GLRA1: variants seen among roughly 807,000 people sequenced by gnomAD.
GLRA1 encodes glycine receptor alpha 1, also known as glycine receptor subunit alpha-1.
GLRA1 carries 37 observed loss-of-function variants against 48.3 expected under a neutral mutation model. The ratio of observed to expected loss-of-function variants is 0.77; its 90% CI spans 0.59 to 1.01. GLRA1 has a LOEUF of 1.01. GLRA1 is among the 50% of genes least tolerant of loss of function. The pLI, the probability that GLRA1 is intolerant of heterozygous loss-of-function variation, is 0.00. For synonymous variants in GLRA1, 196 were observed against 210.7 expected (o/e 0.93, Z 0.60); for missense variants, 427 against 571.0 (o/e 0.75, Z 2.57).
chr5:151,918,145 C>A lies in GLRA1; in HGVS notation c.56+6349G>T, dbSNP rs143820607. 7.2e-5 allele frequency among the ~76,000 whole-genome samples: 11 copies of A among 152,240 alleles called. No individual in the cohort carries two copies. In the East Asian group the frequency reaches 2.1e-3, roughly 29 times the overall value. ...TTCAAAAGCTTTGGGGCCTCAGTAC[C>A]CCTCATAAGAGCTTGCATTACAAAG... On this transcript the variant is annotated intron_variant, in intron 1 of 8. Transcript: ENST00000274576.
At chr5:151,886,952 A>G (rs1489436639) in intron 2 of GLRA1, among the ~76,000 whole-genome samples, 164 bp from the exon 3 acceptor site, 2 of 152,150 alleles carry the variant, frequency 1.3e-5, no homozygotes, top group East Asian at 3.8e-4. Flanking sequence ...CCCAGCCACC[A>G]TTTAACATCT....
rs1263246989 is a variant in GLRA1, at chr5:151,892,575, A to G, written c.57-137T>C. The G allele has an allele frequency of 5.6e-6, 5 of 900,110 alleles. No homozygotes were observed. The South Asian group carries it at 7.2e-5, about 13-fold the overall frequency. 55.8% of individuals were successfully genotyped at this position (900,110 alleles called of 1,614,324 possible). On this transcript the variant is annotated intron_variant, in intron 1 of 8. Transcript: ENST00000274576. ...GTAATATGGGTAATATGGGTCCTTA[A>G]TGAGGTAAGGCCCAGGTTAAATTGT...
chr5:151,849,765 G>GCA, intron 7 of GLRA1: 1 of 527,060 alleles, frequency 1.9e-6, no homozygotes, highest in Non-Finnish European at 2.9e-6. Context: ...TGTTGGCCAG[G>GCA]CTGGTCTCCA....
intron 1 of GLRA1, among the ~76,000 whole-genome samples, chr5:151,900,396 A>G (rs548211245): frequency 2.4e-4 from 37 of 152,324 alleles, no homozygotes; most frequent in African/African-American, 8.7e-4. Context: ...TACCTCTTAC[A>G]GCATCCTGCT....
chr5:151,913,063 C>A (rs1361384124), intron 1 of GLRA1, among the ~76,000 whole-genome samples: 1 of 152,150 alleles, frequency 6.6e-6, no homozygotes, highest in Non-Finnish European at 1.5e-5. Flanking sequence ...GGAAATGATG[C>A]TAGAGATGGG....
At chr5:151,850,733 C>A in intron 7 of GLRA1, 1 of 1,034,406 alleles carries the variant, frequency 9.7e-7, no homozygotes, top group Non-Finnish European at 1.5e-6. Flanking sequence ...GTGACAGAAG[C>A]CCTCATCAAC....
intron 1 of GLRA1, among the ~76,000 whole-genome samples, chr5:151,896,030 C>T (rs1754219950): frequency 6.6e-6 from 1 of 152,202 alleles, no homozygotes; most frequent in Non-Finnish European, 1.5e-5. Context: ...GATCTCTTCG[C>T]CCTTAGGCCT....
rs955139150 is a variant in GLRA1, at chr5:151,866,501, G to A, written c.253-6493C>T. On this transcript the variant is annotated intron_variant, in intron 3 of 8. Transcript: ENST00000274576. The stretch of plus-strand genomic sequence containing the variant: ...AGAGCTTGTGCAAGATTGTTGGTGG[G>A]AAGGGTATGTGGAATGCAAGAGGTG... Among the ~76,000 whole-genome samples the A allele has an allele frequency of 2.0e-5, 3 of 152,188 alleles. No individual in the cohort carries two copies. In the South Asian group the frequency reaches 6.2e-4, roughly 32 times the overall value.
intron 7 of GLRA1, among the ~76,000 whole-genome samples, chr5:151,844,801 A>T (rs1221123314): frequency 6.6e-6 from 1 of 152,050 alleles, no homozygotes; most frequent in Non-Finnish European, 1.5e-5. Context: ...ACTTCAAAAG[A>T]ATATCTAAGA....
chr5:151,822,956 T>C lies in GLRA1; in HGVS notation c.1067A>G (p.Glu356Gly), dbSNP rs1238701818. 6.2e-7 allele frequency: 1 copy of C among 1,605,952 alleles called. No homozygotes were observed. Among genetic ancestry groups the C allele is most frequent in the East Asian group, 2.2e-5 (1 of 44,756 alleles). ...GAAGTTAAAGCGGCCTTCTCCAGCT[T>C]CATCCTCCTGGAATAGATTCAACAT... ...RRKRRHHKED[E>G]AGEGRFNFSA... Residue 356 changes from glutamate to glycine, a missense_variant, in exon 9 of 9, where the codon GAA (glutamate) becomes GGA (glycine). Physicochemically the swap from Glu to Gly is moderately conservative, Grantham distance 98. This residue lies in a region of GLRA1 where 31 missense variants were observed against 21.9 expected (regional missense o/e 1.41). Coordinates refer to ENST00000274576, the MANE Select transcript of GLRA1 (RefSeq NM_000171.4).
intron 3 of GLRA1, among the ~76,000 whole-genome samples, chr5:151,870,280 T>G (rs1344760263): frequency 6.7e-6 from 1 of 148,788 alleles, no homozygotes; most frequent in Non-Finnish European, 1.5e-5. Flanking sequence ...TGCCAAAGGG[T>G]GCAAATGGAA....
intron 3 of GLRA1, among the ~76,000 whole-genome samples, chr5:151,874,345 C>T (rs528754528): frequency 6.6e-5 from 10 of 152,172 alleles, no homozygotes; most frequent in Non-Finnish European, 1.2e-4. Flanking sequence ...CAACATTATG[C>T]AATATATCCA....
chr5:151,916,796 T>C (rs1028503374), intron 1 of GLRA1, among the ~76,000 whole-genome samples: 13 of 152,186 alleles, frequency 8.5e-5, no homozygotes, highest in African/African-American at 3.1e-4. Flanking sequence ...CGGGTGCCCC[T>C]TCTCTTTATC....
intron 1 of GLRA1, among the ~76,000 whole-genome samples, chr5:151,917,533 A>G (rs1193979312): frequency 6.6e-6 from 1 of 152,220 alleles, no homozygotes; most frequent in Non-Finnish European, 1.5e-5. Context: ...TCATGAAACC[A>G]TCACCATAAT....
intron 3 of GLRA1, among the ~76,000 whole-genome samples, chr5:151,864,260 C>G (rs1753277442): frequency 6.6e-6 from 1 of 152,142 alleles, no homozygotes; most frequent in Non-Finnish European, 1.5e-5. Context: ...TTTTGATGTT[C>G]TTGCCAGTGA....
chr5:151,868,718 A>C (rs1344244391), intron 3 of GLRA1, among the ~76,000 whole-genome samples: 1 of 152,208 alleles, frequency 6.6e-6, no homozygotes, highest in Non-Finnish European at 1.5e-5. Context: ...AAAAGGGCAA[A>C]GGACAGAAAG....
chr5:151,903,074 G>GA (rs1176148742), intron 1 of GLRA1, among the ~76,000 whole-genome samples: 4 of 151,616 alleles, frequency 2.6e-5, no homozygotes, highest in South Asian at 2.1e-4. Flanking sequence ...TCTCAGAGTG[G>GA]AAAAAAAAGC....
intron 4 of GLRA1, among the ~76,000 whole-genome samples, chr5:151,858,312 G>C (rs534172855): frequency 6.6e-6 from 1 of 152,314 alleles, no homozygotes; most frequent in East Asian, 1.9e-4. Flanking sequence ...AGTGAATGCA[G>C]TTGAATTTCT....
At chr5:151,864,304 A>T (rs1358483887) in intron 3 of GLRA1, among the ~76,000 whole-genome samples, 2 of 152,230 alleles carry the variant, frequency 1.3e-5, no homozygotes, top group East Asian at 3.8e-4. Context: ...TAGCAGGAAG[A>T]AAAGAAAGTG....
Sources: gnomAD v4.1 joint callset for allele counts (sites outside exome capture counted in the v4.1 genomes callset) on GRCh38, gnomAD v4.1.1 for gene constraint, gnomAD v4.1.1 regional missense constraint, MANE v1.5 for transcripts, NCBI Gene and HGNC (gene_info 2026-07-23, HGNC 2026-07-21) for gene names.